CPQ: variants seen among roughly 807,000 people sequenced by gnomAD.
CPQ encodes the protein carboxypeptidase Q, also known as Ser-Met dipeptidase.
A neutral mutation model predicts 45.7 loss-of-function variants in CPQ; 37 were observed. The observed-to-expected ratio is 0.81, with a 90% CI of 0.62 to 1.07. The LOEUF (loss-of-function observed/expected upper bound fraction) is 1.07, where lower values mean the gene tolerates loss of function less well. Ranked by LOEUF, CPQ falls within the 50% of genes least tolerant of loss-of-function variation. The pLI is 0.00. For missense variants in CPQ, 537 were observed against 572.9 expected (o/e 0.94, Z 0.64); for synonymous variants, 186 against 205.8 (o/e 0.90, Z 0.82).
At chr8:97,127,153 T>C (rs557267477) in intron 7 of CPQ, among the ~76,000 whole-genome samples, 5 of 152,210 alleles carry the variant, frequency 3.3e-5, no homozygotes, top group South Asian at 4.1e-4. Context: ...TTTAAAGAAA[T>C]TGATAAGTTG....
rs142634153 is a variant in CPQ, at chr8:96,853,952, T to C, written c.641+18772T>C. Reference sequence around the variant, plus strand: ...GAAGAAGGCCTCTGAGCCAGCCTAATAGCTATTCTAACCCCACACAGCAAG... The same window carrying C: ...GAAGAAGGCCTCTGAGCCAGCCTAACAGCTATTCTAACCCCACACAGCAAG... On this transcript the variant is annotated intron_variant, in intron 3 of 7. Coordinates refer to ENST00000220763, the MANE Select transcript of CPQ (RefSeq NM_016134.4). Among the ~76,000 whole-genome samples the C allele has an allele frequency of 5.3e-3, 805 of 152,334 alleles. 4 individuals carry two copies. Among genetic ancestry groups the C allele is most frequent in the African/African-American group, 0.015 (638 of 41,574 alleles).
chr8:96,863,466 T>C (rs1049991311), intron 3 of CPQ, among the ~76,000 whole-genome samples: 3 of 151,690 alleles, frequency 2.0e-5, no homozygotes, highest in African/African-American at 7.3e-5. Flanking sequence ...CTTATACAGG[T>C]GAGGAGGCAA....
intron 1 of CPQ, among the ~76,000 whole-genome samples, chr8:96,714,552 A>G (rs1292441535): frequency 1.3e-5 from 2 of 152,074 alleles, no homozygotes; most frequent in African/African-American, 4.8e-5. Flanking sequence ...TGATTTTTTA[A>G]ATAAAAAAAT....
chr8:97,019,707 A>G (rs1809644653), intron 5 of CPQ, among the ~76,000 whole-genome samples: 1 of 152,170 alleles, frequency 6.6e-6, no homozygotes, highest in African/African-American at 2.4e-5. Flanking sequence ...CTAACACTGG[A>G]GCTCCCAAAT....
chr8:97,116,239 A>G (rs1393883886), intron 7 of CPQ, among the ~76,000 whole-genome samples: 1 of 152,206 alleles, frequency 6.6e-6, no homozygotes, highest in Non-Finnish European at 1.5e-5. Flanking sequence ...GGGGCTAGGC[A>G]TATCCCTCAT....
At chr8:96,842,102 G>C (rs894696589) in intron 3 of CPQ, among the ~76,000 whole-genome samples, 4 of 152,140 alleles carry the variant, frequency 2.6e-5, no homozygotes, top group East Asian at 1.9e-4. Flanking sequence ...CAGAGCAGAG[G>C]TGAAATGTCT....
At chr8:96,694,174 A>G (rs1251578040) in intron 1 of CPQ, among the ~76,000 whole-genome samples, 1 of 152,150 alleles carries the variant, frequency 6.6e-6, no homozygotes, top group Non-Finnish European at 1.5e-5. Flanking sequence ...CCTTCACAAA[A>G]AGGAAGACAG....
At chr8:96,693,253 G>A (rs1809327431) in intron 1 of CPQ, among the ~76,000 whole-genome samples, 1 of 151,954 alleles carries the variant, frequency 6.6e-6, no homozygotes. Context: ...AGGAAGGGTA[G>A]GGAGGGGGGA....
At chr8:96,687,526 T>C (rs375439350) in intron 1 of CPQ, among the ~76,000 whole-genome samples, 1 of 152,136 alleles carries the variant, frequency 6.6e-6, no homozygotes. Flanking sequence ...ATTTTTCTAA[T>C]TCATTATTTC....
intron 6 of CPQ, among the ~76,000 whole-genome samples, chr8:97,051,755 A>C (rs1586515953): frequency 6.6e-6 from 1 of 152,336 alleles, no homozygotes; most frequent in Middle Eastern, 3.4e-3. Flanking sequence ...GTAATTAAGT[A>C]ACTTGCCTAA....
chr8:96,749,860 A>G (rs1292370918), intron 1 of CPQ, among the ~76,000 whole-genome samples: 2 of 152,260 alleles, frequency 1.3e-5, no homozygotes, highest in South Asian at 2.1e-4. Context: ...TACTTCTAAG[A>G]ATTTTTCCTA....
intron 2 of CPQ, among the ~76,000 whole-genome samples, chr8:96,830,247 A>G (rs1811436239): frequency 6.6e-6 from 1 of 152,156 alleles, no homozygotes; most frequent in African/African-American, 2.4e-5. Context: ...GACCATAGAC[A>G]CGTTTTTCTG....
At chr8:96,948,124 T>A (rs1252196202) in intron 4 of CPQ, among the ~76,000 whole-genome samples, 1 of 152,090 alleles carries the variant, frequency 6.6e-6, no homozygotes, top group Middle Eastern at 3.2e-3. Flanking sequence ...GGATAGGGAA[T>A]CTGGCCACTT....
intron 3 of CPQ, among the ~76,000 whole-genome samples, chr8:96,876,480 G>C (rs951966067): frequency 2.6e-5 from 4 of 152,072 alleles, no homozygotes; most frequent in African/African-American, 9.7e-5. Context: ...TAATAGGAGT[G>C]GGGAGACAAA....
intron 7 of CPQ, among the ~76,000 whole-genome samples, chr8:97,142,290 TA>T (rs1812181456): frequency 6.6e-6 from 1 of 152,138 alleles, no homozygotes; most frequent in South Asian, 2.1e-4. Context: ...TTTTCAAGGA[TA>T]AATAAGAGAC....
intron 6 of CPQ, among the ~76,000 whole-genome samples, chr8:97,056,712 A>G (rs756406861): frequency 2.0e-5 from 3 of 152,198 alleles, no homozygotes; most frequent in Non-Finnish European, 4.4e-5. Context: ...TTGGAAAGCT[A>G]CATTCTGGAC....
intron 4 of CPQ, among the ~76,000 whole-genome samples, chr8:96,933,106 A>C (rs1812996101): frequency 6.6e-6 from 1 of 152,186 alleles, no homozygotes; most frequent in Non-Finnish European, 1.5e-5. Context: ...TTTGCAAAGA[A>C]CTACCACAAG....
intron 4 of CPQ, among the ~76,000 whole-genome samples, chr8:96,921,807 C>G (rs185597065): frequency 6.6e-6 from 1 of 152,032 alleles, no homozygotes; most frequent in Non-Finnish European, 1.5e-5. Context: ...AGTAAGCAAC[C>G]TGATATTACT....
chr8:96,744,346 G>T (rs1056763162), intron 1 of CPQ, among the ~76,000 whole-genome samples: 1 of 152,216 alleles, frequency 6.6e-6, no homozygotes, highest in Admixed American at 6.5e-5. Flanking sequence ...CTCGCACAGT[G>T]CGCGCACCCA....
Sources: allele counts gnomAD v4.1 joint callset (sites outside exome capture counted in the v4.1 genomes callset), GRCh38; gene constraint gnomAD v4.1.1; transcripts MANE v1.5; gene names NCBI Gene and HGNC (gene_info 2026-07-23, HGNC 2026-07-21).